The following ZDHHC11 variants were observed in gnomAD, a reference collection of about 807,000 sequenced individuals.
The protein encoded by ZDHHC11 is zDHHC palmitoyltransferase 11, also known as palmitoyltransferase ZDHHC11.
A neutral mutation model predicts 51.3 loss-of-function variants in ZDHHC11; 44 were observed. That is an observed-to-expected ratio of 0.86 (90% CI 0.67 to 1.10). The LOEUF (loss-of-function observed/expected upper bound fraction) is 1.10, where lower values mean the gene tolerates loss of function less well. Ranked by LOEUF, ZDHHC11 falls within the 50% of genes least tolerant of loss-of-function variation. The pLI is 0.00. For missense variants in ZDHHC11, 400 were observed against 537.7 expected (o/e 0.74, Z 2.53); for synonymous variants, 163 against 222.0 (o/e 0.73, Z 2.36).
At chr5:819,068 G>A (rs1741215909) in intron 10 of ZDHHC11, among the ~76,000 whole-genome samples, 1 of 151,444 alleles carries the variant, frequency 6.6e-6, no homozygotes, top group Admixed American at 6.6e-5. Flanking sequence ...ACACATACGT[G>A]CACATGTGAC....
At chr5:813,740 G>T (rs1740394242) in intron 11 of ZDHHC11, among the ~76,000 whole-genome samples, 1 of 146,862 alleles carries the variant, frequency 6.8e-6, no homozygotes, top group Non-Finnish European at 1.5e-5. Context: ...GCAGGCTGGG[G>T]TGGGGGCTTC....
intron 3 of ZDHHC11, among the ~76,000 whole-genome samples, chr5:846,286 ACGTTGGTCCC>A (rs1246646950): frequency 6.6e-6 from 1 of 151,172 alleles, no homozygotes; most frequent in Non-Finnish European, 1.5e-5. Context: ...ACACCAGGCA[ACGTTGGTCCC>A]CACTCCCACG....
At chr5:853,514 GA>G, upstream of ZDHHC11, among the ~76,000 whole-genome samples, 1 of 151,184 alleles carries the variant, frequency 6.6e-6, no homozygotes, top group Admixed American at 6.6e-5. Flanking sequence ...GCGAGCTGGG[GA>G]GACAGATCCC....
chr5:834,970 T>C (rs1180812652), intron 6 of ZDHHC11, among the ~76,000 whole-genome samples: 1 of 152,014 alleles, frequency 6.6e-6, no homozygotes, highest in Non-Finnish European at 1.5e-5. Context: ...TGTGTGCCTG[T>C]ATTTTTATTT....
Position 821,612 on chromosome 5 carries a change from G to A in ZDHHC11, c.1058+249C>T, listed in dbSNP as rs535944093. On this transcript the variant is annotated intron_variant, in intron 9 of 12. Transcript: ENST00000283441. The stretch of plus-strand genomic sequence containing the variant: ...GACACTCATACTGTGGACTTTTGCT[G>A]CAGGAACCACCAAGGAGCGTACCAG... Among the ~76,000 whole-genome samples, 31 of 149,210 alleles carry A rather than the reference G, an allele frequency of 2.1e-4. 1 individual carries two copies. The highest frequency in any genetic ancestry group is 7.0e-4 in the African/African-American group (28 of 40,000).
chr5:835,859 T>G (rs1743763014), intron 6 of ZDHHC11, among the ~76,000 whole-genome samples: 1 of 151,914 alleles, frequency 6.6e-6, no homozygotes, highest in South Asian at 2.1e-4. Context: ...AAAGGAAGTT[T>G]TAAAAATATA....
chr5:856,337 CCA>C (rs924486163), intron 1 of ZDHHC11, among the ~76,000 whole-genome samples: 3 of 151,024 alleles, frequency 2.0e-5, no homozygotes, highest in African/African-American at 7.3e-5. Context: ...ACGCCACACA[CCA>C]CACAATACAT....
At position 804,801 on chromosome 5, in the gene ZDHHC11, T is replaced by C. The variant is rs551531209; in HGVS notation, c.1182-3637A>G. Among the ~76,000 whole-genome samples, 18 of 151,280 alleles carry C rather than the reference T, an allele frequency of 1.2e-4. 2 individuals carry two copies. Among genetic ancestry groups the C allele is most frequent in the African/African-American group, 1.7e-4 (7 of 41,244 alleles). ...AAGCAATAACTAAGGCATTCTCACA[T>C]AGACAAAAATTGAGGGAATTCATTA... On this transcript the variant is annotated intron_variant, in intron 11 of 12. Transcript: ENST00000283441.
At chr5:809,366 A>T (rs1170234481) in intron 11 of ZDHHC11, among the ~76,000 whole-genome samples, 5 of 141,388 alleles carry the variant, frequency 3.5e-5, no homozygotes, top group Admixed American at 7.2e-5. Context: ...TGAAGTCCTA[A>T]CCCCAGCGTT....
chr5:802,333 C>A (rs1038618324), intron 11 of ZDHHC11, among the ~76,000 whole-genome samples: 2 of 151,132 alleles, frequency 1.3e-5, no homozygotes, highest in Non-Finnish European at 3.0e-5. Context: ...CAAAGGAGAA[C>A]TGGGGTATCA....
In ZDHHC11 at chr5:798,207, T is replaced by C. The variant is rs1737864065; in HGVS notation, c.*8-1627A>G. Among the ~76,000 whole-genome samples, 16 of 151,280 alleles carry C rather than the reference T, an allele frequency of 1.1e-4. No homozygotes were observed. In the South Asian group the frequency reaches 3.1e-3, roughly 30 times the overall value. ...GCTGTGCTCTCAGCTTGATCTTCCA[T>C]TTGTATCTCTTGAAAAGGTGAAAAT... On this transcript the variant is annotated intron_variant, in intron 12 of 12. Transcript: ENST00000283441.
chr5:847,258 C>T (rs1223470564), intron 3 of ZDHHC11, among the ~76,000 whole-genome samples: 3 of 151,774 alleles, frequency 2.0e-5, no homozygotes, highest in South Asian at 4.2e-4. Context: ...GCCAGCGTGG[C>T]CCCGCAAGTG....
At chr5:842,884 C>T (rs2150408702) in intron 4 of ZDHHC11, among the ~76,000 whole-genome samples, 1 of 152,310 alleles carries the variant, frequency 6.6e-6, no homozygotes, top group African/African-American at 2.4e-5. Context: ...CTGCCTCCAT[C>T]CTCACGAGGC....
intron 4 of ZDHHC11, 186 bp from the exon 5 acceptor site, chr5:840,836 G>T: frequency 6.8e-7 from 1 of 1,473,036 alleles, no homozygotes; most frequent in Non-Finnish European, 9.0e-7. Context: ...GCCTTCGGTT[G>T]GTTTTCATGA....
rs563393278 is a variant in ZDHHC11, at chr5:828,319, G to A, written c.936-3068C>T. ...CACTTCCCAGAAGGGGCGGCCGGGC[G>A]GAGGCACCCCCCACCTCCCAGATGC... On this transcript the variant is annotated intron_variant, in intron 7 of 12. Coordinates refer to ENST00000283441, the MANE Select transcript of ZDHHC11 (RefSeq NM_024786.3). Among the ~76,000 whole-genome samples, 982 of 151,026 alleles carry A rather than the reference G, an allele frequency of 6.5e-3. 7 individuals carry two copies. Among genetic ancestry groups the A allele is most frequent in the African/African-American group, 0.022 (910 of 40,898 alleles).
rs1265286304 is a variant in ZDHHC11, at chr5:816,597, C to T, written c.1147-1802G>A. 2.9e-5 allele frequency: 18 copies of T among 628,432 alleles called. 1 individual carries two copies. The Admixed American group carries it at 3.3e-4, about 12-fold the overall frequency. The allele number at this position is 628,432 out of a possible 1,614,324, so 38.9% of individuals were successfully genotyped here. A position where few individuals can be genotyped will look rare whatever the true frequency, so the allele number is the denominator to read the frequency against. On this transcript the variant is annotated intron_variant, in intron 10 of 12. Transcript: ENST00000283441. ...TTTTGTCTAATTGACGGTCACCTCA[C>T]CATCTGTACAATCTCCTGTTGCTTT...
chr5:850,440 C>T lies in ZDHHC11; in HGVS notation c.163G>A (p.Ala55Thr). The part of the protein sequence containing the change: ...TWAVFVGLSS[A>T]TFGIFIPFLP... ...AAGGGAATGAAGATCCCGAAGGTGG[C>T]CGAGGAAAGGCCCACGAAGACAGCC... The change falls in exon 1 of 13, where the codon GCC becomes ACC. Residue 55 changes from alanine to threonine, a missense_variant. Physicochemically the swap from Ala to Thr is moderately conservative, Grantham distance 58 (BLOSUM62 0). Coordinates refer to ENST00000283441, the MANE Select transcript of ZDHHC11 (RefSeq NM_024786.3). The T allele has an allele frequency of 1.9e-6, 3 of 1,613,626 alleles. No individual in the cohort carries two copies. Among genetic ancestry groups the T allele is most frequent in the Non-Finnish European group, 1.7e-6 (2 of 1,180,006 alleles).
At chr5:813,589 A>G (rs1740371929) in intron 11 of ZDHHC11, among the ~76,000 whole-genome samples, 1 of 148,606 alleles carries the variant, frequency 6.7e-6, no homozygotes, top group African/African-American at 2.5e-5. Context: ...CACTGGGCTT[A>G]TGTCCACTGG....
intron 7 of ZDHHC11, among the ~76,000 whole-genome samples, chr5:827,612 C>T (rs1394216399): frequency 2.6e-5 from 4 of 151,202 alleles, no homozygotes; most frequent in African/African-American, 9.7e-5. Flanking sequence ...ACTTTAAAGC[C>T]ACAACAGTTA....
Sources: gnomAD v4.1 joint callset for allele counts (sites outside exome capture counted in the v4.1 genomes callset) on GRCh38, gnomAD v4.1.1 for gene constraint, MANE v1.5 for transcripts, NCBI Gene and HGNC (gene_info 2026-07-23, HGNC 2026-07-21) for gene names.